PNPLA6: variants seen among roughly 807,000 people sequenced by gnomAD.
PNPLA6 encodes patatin-like phospholipase domain-containing protein 6.
A neutral mutation model predicts 153.7 loss-of-function variants in PNPLA6; 105 were observed. The observed-to-expected ratio is 0.68, with a 90% CI of 0.58 to 0.80. The LOEUF (loss-of-function observed/expected upper bound fraction) is 0.80. Ranked by LOEUF, PNPLA6 falls within the 30% of genes least tolerant of loss-of-function variation. The probability of loss-of-function intolerance (pLI) is 0.00; values close to 1 mark genes in which losing one functional copy is unlikely to be tolerated. For synonymous variants in PNPLA6, 825 were observed against 822.2 expected (o/e 1.00, Z -0.06); for missense variants, 1,423 against 1,919.3 (o/e 0.74, Z 4.83).
chr19:7,557,799 G>A (rs7245479), intron 27 of PNPLA6, among the ~76,000 whole-genome samples: 79,575 of 141,030 alleles, frequency 0.56, 22,864 homozygotes, highest in South Asian at 0.63. Context: ...AAAAAAAAAA[G>A]AAAGAAAGAA....
intron 13 of PNPLA6, among the ~76,000 whole-genome samples, chr19:7,547,096 G>A (rs557654969): frequency 4.6e-5 from 7 of 152,070 alleles, no homozygotes; most frequent in South Asian, 2.1e-4. Context: ...GTAGAAACAC[G>A]GTTTCACCAT....
chr19:7,546,366 C>T (rs1290442406), intron 13 of PNPLA6, among the ~76,000 whole-genome samples: 1 of 152,116 alleles, frequency 6.6e-6, no homozygotes, highest in African/African-American at 2.4e-5. Context: ...CAGTGGCTCA[C>T]GCCTGTAATC....
Position 7,542,772 on chromosome 19 carries a change from G to A in PNPLA6, c.1374G>A (p.Gln458=). ...CCTGCCCCACTCAGACCCCCACTCA[G>A]GAGCCTCGTGAGCAGCCGGCAGGCG... The part of the protein sequence containing the change: ...SLAAPARTPT[Q]EPREQPAGAC... The change falls in exon 12 of 32, where the codon CAG becomes CAA. Residue 458 remains glutamine (Q), a synonymous_variant. Transcript: ENST00000600737. 1 of 1,613,072 alleles carries A rather than the reference G, an allele frequency of 6.2e-7. No individual in the cohort carries two copies. Among genetic ancestry groups the A allele is most frequent in the Non-Finnish European group, 8.5e-7 (1 of 1,179,958 alleles).
rs570700250 is a variant in PNPLA6, at chr19:7,560,915, C to T, written c.3817-99C>T. The T allele has an allele frequency of 1.5e-4, 129 of 862,426 alleles. 1 individual carries two copies. In the Admixed American group the frequency reaches 2.5e-3, roughly 16 times the overall value. 53.4% of individuals were successfully genotyped at this position (862,426 alleles called of 1,614,324 possible). On this transcript the variant is annotated intron_variant, in intron 29 of 31. Transcript: ENST00000600737. ...CTGCTGACTTCAGAGAGTTCCCACC[C>T]TAGGATCTCCTCTGAGCCCCCAATG... is the stretch of plus-strand genomic sequence containing the variant.
rs757980617 is a variant in PNPLA6, at chr19:7,540,115, C to T, written c.555-34C>T. 40 of 1,613,504 alleles carry T rather than the reference C, an allele frequency of 2.5e-5. 2 individuals carry two copies. In the South Asian group the frequency reaches 4.2e-4, roughly 17 times the overall value. On this transcript the variant is annotated intron_variant, in intron 4 of 31. Coordinates refer to ENST00000600737, the MANE Select transcript of PNPLA6 (RefSeq NM_001166114.2). The surrounding 1 kb of genome is among the most constrained non-coding windows in gnomAD (Gnocchi z 6.8). ...GCTGCAGACGTGGGGCCGCCCTGAC[C>T]TCCAGCCTCTGTCGCCCACCGCCTG...
Position 7,540,760 on chromosome 19 carries a change from CA to C in PNPLA6, c.795+52del, listed in dbSNP as rs761569045. The C allele has an allele frequency of 1.6e-5, 25 of 1,548,412 alleles. No individual in the cohort carries two copies. The highest frequency in any genetic ancestry group is 2.2e-5 in the Non-Finnish European group (25 of 1,120,134). ...GGGGGCTGGGGTGCAAGGTCCCACC[CA>C]AGGGACTAGGTTGAAGGAAATCACA... On this transcript the variant is annotated intron_variant, in intron 6 of 31. Transcript: ENST00000600737. This position sits in a 1 kb window ranked among gnomAD's most constrained non-coding sequence, Gnocchi z 6.8.
In PNPLA6 at chr19:7,559,027, G is replaced by C; in HGVS notation, c.3575G>C (p.Arg1192Pro). The C allele has an allele frequency of 6.2e-7, 1 of 1,614,162 alleles. No individual in the cohort carries two copies. The highest frequency in any genetic ancestry group is 8.5e-7 in the Non-Finnish European group (1 of 1,180,032). The change falls in exon 28 of 32, where the codon CGC (arginine) becomes CCC (proline). Residue 1192 changes from arginine to proline, a missense_variant. Physicochemically the swap from Arg to Pro is moderately radical, Grantham distance 103. This residue lies in a region of PNPLA6 where 643 missense variants were observed against 835.2 expected (regional missense o/e 0.77). Transcript: ENST00000600737. ...KVPDMAEIQS[R>P]LAYVSCVRQL... ...CCAGACATGGCTGAAATCCAGTCCC[G>C]CCTGGCCTACGTGTCCTGTGTGCGG...
chr19:7,552,844 T>G (rs1468495830), intron 18 of PNPLA6, among the ~76,000 whole-genome samples: 1 of 145,598 alleles, frequency 6.9e-6, no homozygotes, highest in Admixed American at 6.9e-5. Flanking sequence ...CAAAAGAGGG[T>G]CATCTTGCCG....
intron 13 of PNPLA6, 39 bp downstream of exon 13, chr19:7,543,123 ATCATTCCC>A (rs771447670): frequency 6.5e-7 from 1 of 1,543,402 alleles, no homozygotes; most frequent in South Asian, 1.1e-5. Flanking sequence ...GCCACCTGAG[ATCATTCCC>A]TATGACTTCT....
At chr19:7,556,881 C>T (rs1449293415) in intron 26 of PNPLA6, 157 bp downstream of exon 26, 5 of 715,480 alleles carry the variant, frequency 7.0e-6, no homozygotes, top group South Asian at 4.4e-5. Context: ...ACTAATGCCC[C>T]GGAGACCCCA....
Position 7,555,345 on chromosome 19 carries a change from G to C in PNPLA6, c.2914G>C (p.Val972Leu), listed in dbSNP as rs759036949. 1.0e-5 allele frequency: 16 copies of C among 1,559,108 alleles called. No individual in the cohort carries two copies. Among genetic ancestry groups the C allele is most frequent in the Non-Finnish European group, 1.1e-5 (13 of 1,151,016 alleles). Residue 972 changes from valine (V) to leucine (L), a missense_variant, in exon 23 of 32, where the codon GTG becomes CTG. Transcript: ENST00000600737. The surrounding 1 kb of genome is among the most constrained non-coding windows in gnomAD (Gnocchi z 6.3). ...RVLTGNTIALVLGGGGARGCS... is the reference protein window; with the variant it reads ...RVLTGNTIALLLGGGGARGCS... ...GCTCACGGGGAACACCATTGCCCTT[G>C]TGCTAGGCGGGGGCGGGGCCAGGTG...
At chr19:7,549,238 G>A (rs1025945806) in intron 13 of PNPLA6, among the ~76,000 whole-genome samples, 1 of 146,938 alleles carries the variant, frequency 6.8e-6, no homozygotes, top group Non-Finnish European at 1.5e-5. Context: ...CCACGCTGGA[G>A]TGCAGTGGCG....
chr19:7,551,180 T>TG, intron 17 of PNPLA6, 73 bp downstream of exon 17: 1 of 216,650 alleles, frequency 4.6e-6, no homozygotes, highest in South Asian at 4.4e-5. Context: ...GCCTAGTGTG[T>TG]GGGCGGGGCT....
intron 24 of PNPLA6, among the ~76,000 whole-genome samples, 181 bp from the exon 25 acceptor site, chr19:7,556,272 A>G (rs962414186): frequency 5.9e-5 from 9 of 151,832 alleles, no homozygotes; most frequent in Non-Finnish European, 8.8e-5. Context: ...CATGTTGGCT[A>G]GGCTGCTTTT....
chr19:7,543,435 G>C (rs575863397), intron 13 of PNPLA6, among the ~76,000 whole-genome samples: 1 of 152,312 alleles, frequency 6.6e-6, no homozygotes, highest in Non-Finnish European at 1.5e-5. Flanking sequence ...CATGCTGACC[G>C]CTGCCAGGAT....
intron 13 of PNPLA6, among the ~76,000 whole-genome samples, chr19:7,548,114 G>C (rs1386842137): frequency 6.6e-6 from 1 of 151,904 alleles, no homozygotes; most frequent in East Asian, 2.0e-4. Context: ...GAGAGGCCAA[G>C]GCGGTTGGAT....
chr19:7,539,741 GA>G (rs1398224928), intron 3 of PNPLA6, among the ~76,000 whole-genome samples, 176 bp from the exon 4 acceptor site: 2 of 125,298 alleles, frequency 1.6e-5, no homozygotes, highest in East Asian at 4.9e-4. Context: ...TGGGAAACAA[GA>G]GCAAAACTTC....
Position 7,551,442 on chromosome 19 carries a change from GAGCCGGCCGGC to G in PNPLA6, c.2260+6_2260+16del. 6.2e-7 allele frequency: 1 copy of G among 1,613,266 alleles called. No homozygotes were observed. On this transcript the variant is annotated splice_donor_region_variant and intron_variant, in intron 18 of 31. Transcript: ENST00000600737. The stretch of plus-strand genomic sequence containing the variant: ...AGCTGCAAGGACCCTTCCCAGGTGA[GAGCCGGCCGGC>G]CCAGAGCGTGCTGGGAGATGTAGTC...
intron 28 of PNPLA6, among the ~76,000 whole-genome samples, chr19:7,559,867 T>C (rs779095787): frequency 4.1e-5 from 6 of 145,192 alleles, no homozygotes; most frequent in Non-Finnish European, 7.5e-5. Flanking sequence ...GGGCCAGGCA[T>C]GGTGGCTCAT....
Sources: gnomAD v4.1 joint callset for allele counts (sites outside exome capture counted in the v4.1 genomes callset) on GRCh38, gnomAD v4.1.1 for gene constraint, gnomAD v4.1.1 regional missense constraint, Gnocchi (gnomAD v3.1) non-coding constraint, MANE v1.5 for transcripts, NCBI Gene and HGNC (gene_info 2026-07-23, HGNC 2026-07-21) for gene names.